LRBA: variants seen among roughly 807,000 people sequenced by gnomAD.
LRBA encodes the protein lipopolysaccharide-responsive and beige-like anchor protein.
LRBA carries 176 observed loss-of-function variants against 330.0 expected under a neutral mutation model. The ratio of observed to expected loss-of-function variants is 0.53; its 90% confidence interval spans 0.47 to 0.60. LRBA has a LOEUF of 0.60. Ranked by LOEUF, LRBA falls within the 20% of genes least tolerant of loss-of-function variation. LRBA has a pLI of 0.00. For synonymous variants in LRBA, 1,230 were observed against 1,193.0 expected (o/e 1.03, Z -0.64); for missense variants, 3,259 against 3,444.8 (o/e 0.95, Z 1.35).
intron 26 of LRBA, 147 bp downstream of exon 26, chr4:150,848,671 C>T (rs749072443): frequency 1.8e-6 from 1 of 549,206 alleles, no homozygotes; most frequent in Non-Finnish European, 3.2e-6. Flanking sequence ...TTACCAACTA[C>T]TACTATGTAC....
chr4:150,509,049 T>C (rs1355541115), intron 40 of LRBA, among the ~76,000 whole-genome samples: 1 of 152,188 alleles, frequency 6.6e-6, no homozygotes, highest in African/African-American at 2.4e-5. Flanking sequence ...TGACTATAGT[T>C]AATGGTAATG....
chr4:150,397,181 T>A (rs1430305209), intron 47 of LRBA, among the ~76,000 whole-genome samples: 1 of 152,200 alleles, frequency 6.6e-6, no homozygotes, highest in Non-Finnish European at 1.5e-5. Context: ...TAAAATAAAA[T>A]AAATTTTCAT....
chr4:150,714,460 A>G (rs1786542080), intron 36 of LRBA, among the ~76,000 whole-genome samples: 1 of 152,188 alleles, frequency 6.6e-6, no homozygotes, highest in South Asian at 2.1e-4. Context: ...TTCATAATGT[A>G]TCAATAGTAG....
At chr4:150,332,283 C>T (rs1430468893) in intron 48 of LRBA, among the ~76,000 whole-genome samples, 3 of 152,096 alleles carry the variant, frequency 2.0e-5, no homozygotes, top group Non-Finnish European at 2.9e-5. Context: ...TGGTTTCTTT[C>T]CTCCTCATTC....
rs140308913 is a variant in LRBA at position 150,425,985 on chromosome 4, A to C, written c.7041+9604T>G. On this transcript the variant is annotated intron_variant, in intron 46 of 56. Transcript: ENST00000651943. ...TAAAAAATTGAAAATAAGCTTTCTT[A>C]ATTAACAAAAAAGAGCTGATTAACA... 1.4e-3 allele frequency among the ~76,000 whole-genome samples: 220 copies of C among 152,160 alleles called. 1 individual carries two copies. The highest frequency in any genetic ancestry group is 4.9e-3 in the African/African-American group (204 of 41,568).
In LRBA at chr4:150,487,840, A is replaced by ACG; in HGVS notation, c.6449-7_6449-6insCG. On this transcript the variant is annotated splice_region_variant and splice_polypyrimidine_tract_variant and intron_variant, in intron 41 of 56. Transcript: ENST00000651943. ...GAAGTTGAACATCACAGCAACTACA[A>ACG]CAGATGATTTTTAAAAATTAGAACA... 1 of 1,518,676 alleles carries ACG rather than the reference A, an allele frequency of 6.6e-7. No homozygotes were observed. Among genetic ancestry groups the ACG allele is most frequent in the Non-Finnish European group, 9.1e-7 (1 of 1,104,678 alleles). The allele number at this position is 1,518,676 out of a possible 1,614,324, so 94.1% of individuals were successfully genotyped here. A position where few individuals can be genotyped will look rare whatever the true frequency, so the allele number is the denominator to read the frequency against.
intron 37 of LRBA, among the ~76,000 whole-genome samples, chr4:150,665,602 A>G (rs149433826): frequency 5.9e-5 from 9 of 152,306 alleles, no homozygotes; most frequent in Non-Finnish European, 1.0e-4. Flanking sequence ...CTATTCTTAT[A>G]ATGTGCCTAT....
At chr4:150,560,110 G>T (rs1375185133) in intron 40 of LRBA, among the ~76,000 whole-genome samples, 1 of 149,290 alleles carries the variant, frequency 6.7e-6, no homozygotes, top group Non-Finnish European at 1.5e-5. Context: ...TTATTCTTAG[G>T]AAATACACAC....
At chr4:150,789,700 TG>T (rs1342092469) in intron 34 of LRBA, among the ~76,000 whole-genome samples, 1 of 152,188 alleles carries the variant, frequency 6.6e-6, no homozygotes, top group Non-Finnish European at 1.5e-5. Context: ...TCAGAGAGTT[TG>T]GTATTAAACA....
At chr4:150,796,410 A>T (rs1013617432) in intron 34 of LRBA, among the ~76,000 whole-genome samples, 1 of 151,994 alleles carries the variant, frequency 6.6e-6, no homozygotes, top group Non-Finnish European at 1.5e-5. Context: ...ACTGTGCTAC[A>T]TCTTGTAGAG....
chr4:150,473,244 T>A (rs569364836), intron 42 of LRBA, among the ~76,000 whole-genome samples: 1 of 152,224 alleles, frequency 6.6e-6, no homozygotes, highest in Non-Finnish European at 1.5e-5. Context: ...TTTGTATATC[T>A]TCTTCGGTGA....
intron 40 of LRBA, among the ~76,000 whole-genome samples, chr4:150,563,221 G>A (rs1768615033): frequency 6.6e-6 from 1 of 152,092 alleles, no homozygotes; most frequent in Non-Finnish European, 1.5e-5. Flanking sequence ...ATATTATAGT[G>A]TTAGACTCTC....
At chr4:150,911,966 C>T (rs1023229058) in intron 9 of LRBA, among the ~76,000 whole-genome samples, 7 of 151,908 alleles carry the variant, frequency 4.6e-5, no homozygotes, top group South Asian at 2.1e-4. Flanking sequence ...CTAAATTATC[C>T]GATTTGTTGG....
chr4:150,788,195 C>A (rs1405893650), intron 34 of LRBA, among the ~76,000 whole-genome samples: 1 of 151,578 alleles, frequency 6.6e-6, no homozygotes, highest in Non-Finnish European at 1.5e-5. Context: ...GCCCCAGCCT[C>A]CCAAGTGGCT....
intron 37 of LRBA, among the ~76,000 whole-genome samples, chr4:150,639,793 A>ATATG (rs1778392972): frequency 9.0e-5 from 1 of 11,106 alleles, no homozygotes; most frequent in African/African-American, 3.9e-4. Context: ...GTGTGTGTGT[A>ATATG]TATATATATA....
rs186451672 is a variant in LRBA, at chr4:150,282,532, A to G, written c.8234T>C (p.Ile2745Thr). The G allele has an allele frequency of 4.1e-5, 66 of 1,614,126 alleles. No homozygotes were observed. The East Asian group carries it at 1.3e-3, about 32-fold the overall frequency. Residue 2745 changes from isoleucine (I) to threonine (T), a missense_variant, in exon 55 of 57, where the codon ATA becomes ACA. Physicochemically the swap from Ile to Thr is moderately conservative, Grantham distance 89. Transcript: ENST00000651943. ...IQASREGHCVIFYENGLFCTF... is the reference protein window; with the variant it reads ...IQASREGHCVTFYENGLFCTF... Reference sequence around the variant, plus strand: ...ACAGAAGAGGCCGTTTTCATAGAATATGACACAATGACCCTCTCTTGAAGC... The same window carrying G: ...ACAGAAGAGGCCGTTTTCATAGAATGTGACACAATGACCCTCTCTTGAAGC...
chr4:150,566,770 C>T (rs904241939), intron 40 of LRBA, among the ~76,000 whole-genome samples: 4 of 152,010 alleles, frequency 2.6e-5, no homozygotes, highest in Non-Finnish European at 5.9e-5. Context: ...TATACAGATA[C>T]AACTTTTAAA....
intron 47 of LRBA, among the ~76,000 whole-genome samples, chr4:150,377,544 A>G (rs1010188203): frequency 1.3e-5 from 2 of 152,166 alleles, no homozygotes; most frequent in African/African-American, 4.8e-5. Flanking sequence ...TAATTCTAGA[A>G]GTGGGGGAGG....
Position 150,265,859 on chromosome 4 carries a change from A to AGAGAT in LRBA, c.8469-52_8469-48dup, listed in dbSNP as rs150278643. The AGAGAT allele has an allele frequency of 0.027, 32,768 of 1,213,366 alleles. 1,164 individuals are homozygous for AGAGAT. Among genetic ancestry groups the AGAGAT allele is most frequent in the East Asian group, 0.15 (6,605 of 42,668 alleles). The allele number at this position is 1,213,366 out of a possible 1,614,324, so 75.2% of individuals were successfully genotyped here. On this transcript the variant is annotated intron_variant, in intron 56 of 56. Coordinates refer to ENST00000651943, the MANE Select transcript of LRBA (RefSeq NM_001364905.1). Reference sequence around the variant, plus strand: ...GGACTTTTACAAACCTGTGTGTCCTAGAGATGTTACTAAAAACTGCTCTCC... The same window carrying AGAGAT: ...GGACTTTTACAAACCTGTGTGTCCTAGAGATGAGATGTTACTAAAAACTGCTCTCC...
Sources: allele counts gnomAD v4.1 joint callset (sites outside exome capture counted in the v4.1 genomes callset), GRCh38; gene constraint gnomAD v4.1.1; transcripts MANE v1.5; gene names NCBI Gene and HGNC (gene_info 2026-07-23, HGNC 2026-07-21).